Variants in RBM47 observed in about 807,000 individuals in gnomAD.
RBM47 encodes the protein RNA binding motif protein 47, also known as RNA-binding protein 47.
Under a neutral mutation model 47.1 loss-of-function variants are expected in RBM47, and 21 were observed. The observed-to-expected ratio is 0.45, with a 90% CI of 0.32 to 0.64. RBM47 has a LOEUF of 0.64. RBM47 is among the 30% of genes least tolerant of loss of function. RBM47 has a pLI of 0.05. For synonymous variants in RBM47, 375 were observed against 361.7 expected, an observed-to-expected ratio of 1.04 and a Z score of -0.42; for missense variants, 708 against 870.9, an observed-to-expected ratio of 0.81 and a Z score of 2.35.
intron 2 of RBM47, among the ~76,000 whole-genome samples, chr4:40,511,791 C>T (rs12506096): frequency 0.26 from 40,070 of 151,724 alleles, 5,790 homozygotes; most frequent in African/African-American, 0.35. Flanking sequence ...AAAAATTAGC[C>T]GGGCGTGGTG....
intron 1 of RBM47, among the ~76,000 whole-genome samples, chr4:40,561,553 T>C (rs1172150430): frequency 1.6e-4 from 23 of 140,890 alleles, no homozygotes; most frequent in African/African-American, 4.4e-4. Flanking sequence ...TCTTTTTTTT[T>C]TCTTTTTTTT....
intron 1 of RBM47, among the ~76,000 whole-genome samples, chr4:40,545,746 G>T (rs1483180963): frequency 6.7e-6 from 1 of 148,788 alleles, no homozygotes; most frequent in Non-Finnish European, 1.5e-5. Flanking sequence ...ATAAAAAGTG[G>T]ACTAACAGGG....
chr4:40,576,335 T>C (rs1238074830), intron 1 of RBM47, among the ~76,000 whole-genome samples: 1 of 151,934 alleles, frequency 6.6e-6, no homozygotes, highest in African/African-American at 2.4e-5. Context: ...AAAAATTTTT[T>C]TGTAGAGATG....
chr4:40,499,677 G>GT (rs1723084998), intron 2 of RBM47, among the ~76,000 whole-genome samples: 1 of 152,158 alleles, frequency 6.6e-6, no homozygotes, highest in African/African-American at 2.4e-5. Context: ...CAAAGTGCTG[G>GT]GATAACAGGC....
At chr4:40,439,020 CG>C in intron 3 of RBM47, 96 bp from the exon 4 acceptor site, 1 of 1,060,990 alleles carries the variant, frequency 9.4e-7, no homozygotes, top group Non-Finnish European at 1.3e-6. Context: ...TAATAGGCCA[CG>C]GGGAAGGGGA....
intron 1 of RBM47, among the ~76,000 whole-genome samples, chr4:40,591,922 GA>G (rs1260843952): frequency 6.6e-6 from 1 of 152,164 alleles, no homozygotes; most frequent in Non-Finnish European, 1.5e-5. Context: ...AAATTTATGT[GA>G]AAATGGAACC....
At chr4:40,545,489 C>T (rs1206224755) in intron 1 of RBM47, among the ~76,000 whole-genome samples, 1 of 148,904 alleles carries the variant, frequency 6.7e-6, no homozygotes, top group Admixed American at 6.7e-5. Context: ...TATGGTGAAA[C>T]CCCATCTCTA....
At chr4:40,569,824 C>T (rs1731539591) in intron 1 of RBM47, among the ~76,000 whole-genome samples, 1 of 151,774 alleles carries the variant, frequency 6.6e-6, no homozygotes, top group South Asian at 2.1e-4. Flanking sequence ...AATTCTCCTG[C>T]CTCAGCCTCC....
intron 2 of RBM47, among the ~76,000 whole-genome samples, chr4:40,471,022 C>T (rs1577717910): frequency 1.3e-5 from 2 of 152,092 alleles, no homozygotes; most frequent in Non-Finnish European, 2.9e-5. Context: ...GGATTACAGG[C>T]GTGAGCCACC....
chr4:40,469,187 G>A lies in RBM47; in HGVS notation c.-154-2488C>T, dbSNP rs557677771. ...ATGGTAAAATGTCTCCCTTTAAAAT[G>A]TAATACCAAGGTAATGAACATGTAA... On this transcript the variant is annotated intron_variant, in intron 2 of 6. Coordinates refer to ENST00000295971, the MANE Select transcript of RBM47 (RefSeq NM_001098634.2). 3.3e-5 allele frequency among the ~76,000 whole-genome samples: 5 copies of A among 152,272 alleles called. 1 individual carries two copies. The highest frequency in any genetic ancestry group is 1.2e-4 in the African/African-American group (5 of 41,558).
intron 2 of RBM47, among the ~76,000 whole-genome samples, chr4:40,542,301 T>G (rs1372922833): frequency 1.3e-5 from 2 of 152,082 alleles, no homozygotes; most frequent in Non-Finnish European, 2.9e-5. Context: ...TCCCTTTCCC[T>G]TTCCCCCCAT....
intron 2 of RBM47, among the ~76,000 whole-genome samples, chr4:40,487,392 T>C (rs1175306206): frequency 6.6e-6 from 1 of 152,074 alleles, no homozygotes; most frequent in Non-Finnish European, 1.5e-5. Context: ...ACCTCCCAGG[T>C]TCAAGTGATT....
chr4:40,432,810 G>A lies in RBM47; in HGVS notation c.1383C>T (p.Ala461=). The part of the protein sequence containing the change: ...AQYSMFPAAP[A]PKMIEDGKIH... ...TTTTGCCATCTTCAATCATTTTAGG[G>A]GCTGGAGCTGCTGGAAACATGGAAT... Residue 461 remains alanine (A), a synonymous_variant, in exon 6 of 7, where the codon GCC becomes GCT. Transcript: ENST00000295971. 6.2e-7 allele frequency: 1 copy of A among 1,613,964 alleles called. No individual in the cohort carries two copies. Among genetic ancestry groups the A allele is most frequent in the Non-Finnish European group, 8.5e-7 (1 of 1,179,996 alleles).
chr4:40,559,459 A>G (rs1730408462), intron 1 of RBM47, among the ~76,000 whole-genome samples: 1 of 152,232 alleles, frequency 6.6e-6, no homozygotes, highest in Non-Finnish European at 1.5e-5. Context: ...CTCAAGCCCC[A>G]AAGTCCAAGA....
chr4:40,497,292 T>A (rs1175561094), intron 2 of RBM47, among the ~76,000 whole-genome samples: 1 of 152,066 alleles, frequency 6.6e-6, no homozygotes, highest in African/African-American at 2.4e-5. Context: ...CCTTCTAATA[T>A]CCTGCCATGT....
chr4:40,598,848 CAAAAAA>C (rs34007215), intron 1 of RBM47, among the ~76,000 whole-genome samples: 5 of 137,574 alleles, frequency 3.6e-5, no homozygotes, highest in Non-Finnish European at 3.1e-5. Flanking sequence ...CTTGTAAAAC[CAAAAAA>C]AAAAAAAAAA....
chr4:40,510,187 C>CAAAA (rs1192114584), intron 2 of RBM47, among the ~76,000 whole-genome samples: 5 of 104,228 alleles, frequency 4.8e-5, no homozygotes, highest in African/African-American at 1.8e-4. Context: ...AACTCCATCT[C>CAAAA]AAAAAAAAAA....
At chr4:40,515,253 TA>T (rs1450326662) in intron 2 of RBM47, among the ~76,000 whole-genome samples, 4 of 152,100 alleles carry the variant, frequency 2.6e-5, no homozygotes, top group Non-Finnish European at 5.9e-5. Context: ...GTTAATGAGA[TA>T]AAGAGAGGGT....
intron 1 of RBM47, among the ~76,000 whole-genome samples, chr4:40,571,180 C>T (rs1173418147): frequency 1.3e-5 from 2 of 151,944 alleles, no homozygotes; most frequent in Non-Finnish European, 2.9e-5. Flanking sequence ...TGCATCACTG[C>T]ACTCCAGCCT....
Sources: gnomAD v4.1 joint callset for allele counts (sites outside exome capture counted in the v4.1 genomes callset) on GRCh38, gnomAD v4.1.1 for gene constraint, MANE v1.5 for transcripts, NCBI Gene and HGNC (gene_info 2026-07-23, HGNC 2026-07-21) for gene names.